Variants in ASNS observed in about 807,000 individuals in gnomAD.
ASNS encodes asparagine synthetase [glutamine-hydrolyzing].
A neutral mutation model predicts 62.6 loss-of-function variants in ASNS; 37 were observed. That is an observed-to-expected ratio of 0.59 (90% CI 0.45 to 0.78). The LOEUF (loss-of-function observed/expected upper bound fraction) is 0.78, where lower values mean the gene tolerates loss of function less well. Among genes scored for constraint, ASNS ranks in the 30% least tolerant of loss-of-function variants. The probability of loss-of-function intolerance (pLI) is 0.00; values close to 1 mark genes in which losing one functional copy is unlikely to be tolerated. For synonymous variants in ASNS, 207 were observed against 237.9 expected (o/e 0.87, Z 1.19); for missense variants, 520 against 682.4 (o/e 0.76, Z 2.65).
chr7:97,865,604 T>C (rs75812115), intron 3 of ASNS, among the ~76,000 whole-genome samples: 1 of 152,336 alleles, frequency 6.6e-6, no homozygotes, highest in Non-Finnish European at 1.5e-5. Context: ...TATACCTTTA[T>C]ACTACAGTCC....
rs748277276 is a variant in ASNS, at chr7:97,859,392, A to G, written c.494T>C (p.Val165Ala). Residue 165 changes from valine (V) to alanine (A), a missense_variant, in exon 5 of 13, where the codon GTT becomes GCT. Transcript: ENST00000394308. ...LAVCSEAKGLVTLKHSATPFL... is the reference protein window; with the variant it reads ...LAVCSEAKGLATLKHSATPFL... ...GGGAGTCGCGGAGTGCTTCAATGTA[A>G]CAAGACCTAGAAATTCACAATGATA... 4.4e-6 allele frequency: 7 copies of G among 1,603,396 alleles called. No homozygotes were observed. The Admixed American group carries it at 8.6e-5, about 20-fold the overall frequency.
At chr7:97,906,968 C>G in the ASNS span, 5 of 152,122 alleles carry the variant, frequency 3.3e-5, no homozygotes, top group African/African-American at 1.2e-4. Context: ...GAGGCTCACC[C>G]ACATTGGGGA....
chr7:97,919,099 C>G, the ASNS span, among the ~76,000 whole-genome samples: 1 of 152,026 alleles, frequency 6.6e-6, no homozygotes, highest in African/African-American at 2.4e-5. Context: ...TAGTCTCGCT[C>G]TATTGCCCAG....
intron 10 of ASNS, 128 bp downstream of exon 10, chr7:97,854,452 G>A: frequency 8.8e-7 from 1 of 1,134,956 alleles, no homozygotes; most frequent in Non-Finnish European, 1.2e-6. Context: ...GTAACATATA[G>A]CCAACTATAT....
intron 3 of ASNS, among the ~76,000 whole-genome samples, chr7:97,865,234 C>A (rs1215934053): frequency 6.6e-6 from 1 of 152,192 alleles, no homozygotes; most frequent in Non-Finnish European, 1.5e-5. Context: ...AGTAGAATCA[C>A]CAGAATACCT....
At chr7:97,886,173 C>A in the ASNS span, 142,584 of 285,208 alleles carry the variant, frequency 0.5, 36,273 homozygotes, top group Middle Eastern at 0.54. Flanking sequence ...TTTGAGACAG[C>A]GTCTTCCTCT....
the ASNS span, among the ~76,000 whole-genome samples, chr7:97,889,927 C>CAAAAAA: frequency 7.8e-4 from 30 of 38,554 alleles, no homozygotes; most frequent in South Asian, 1.6e-3. Context: ...ATAATGAATA[C>CAAAAAA]AAAAAAAAAA....
the ASNS span, among the ~76,000 whole-genome samples, chr7:97,919,752 G>A: frequency 1.8e-4 from 27 of 152,220 alleles, no homozygotes; most frequent in African/African-American, 6.0e-4. Flanking sequence ...AGGAAACCAG[G>A]GCACCCCATG....
chr7:97,927,379 TA>T, the ASNS span, among the ~76,000 whole-genome samples: 1 of 152,190 alleles, frequency 6.6e-6, no homozygotes, highest in Non-Finnish European at 1.5e-5. Context: ...ATCTCAGCAG[TA>T]ACAACCCCAG....
intron 6 of ASNS, 67 bp downstream of exon 6, chr7:97,858,787 G>A (rs979055818): frequency 3.5e-5 from 49 of 1,408,810 alleles, no homozygotes; most frequent in Non-Finnish European, 4.3e-5. Context: ...AAAACCAAAG[G>A]GATGGCTACA....
At chr7:97,856,066 C>A (rs1386424296) in intron 8 of ASNS, among the ~76,000 whole-genome samples, 6 of 152,154 alleles carry the variant, frequency 3.9e-5, no homozygotes, top group Non-Finnish European at 8.8e-5. Flanking sequence ...AATACCAGAG[C>A]TATCCTGTCT....
At chr7:97,895,889 A>G in the ASNS span, among the ~76,000 whole-genome samples, 3 of 152,150 alleles carry the variant, frequency 2.0e-5, no homozygotes, top group Non-Finnish European at 4.4e-5. Flanking sequence ...GTTTCTATAT[A>G]CCAGTAACAA....
At chr7:97,927,293 T>C in the ASNS span, among the ~76,000 whole-genome samples, 1 of 152,048 alleles carries the variant, frequency 6.6e-6, no homozygotes, top group African/African-American at 2.4e-5. Flanking sequence ...TGAGTTTTAG[T>C]CCTAAGTCCC....
the ASNS span, among the ~76,000 whole-genome samples, chr7:97,884,822 A>C: frequency 6.6e-6 from 1 of 152,216 alleles, no homozygotes; most frequent in African/African-American, 2.4e-5. Flanking sequence ...CATCATGATC[A>C]ATTTTAAAAC....
chr7:97,916,514 T>G, the ASNS span, among the ~76,000 whole-genome samples: 1 of 152,210 alleles, frequency 6.6e-6, no homozygotes. Context: ...AGCAGCTCTT[T>G]GCAAGCACCT....
the ASNS span, chr7:97,899,102 T>C: frequency 2.1e-6 from 1 of 482,594 alleles, no homozygotes; most frequent in South Asian, 2.4e-5. Flanking sequence ...ATAAGGCACT[T>C]GTTCTTAACA....
At chr7:97,873,779 GTTACCTAGTGTGC>G (rs1233480296), upstream of ASNS, among the ~76,000 whole-genome samples, 2 of 152,008 alleles carry the variant, frequency 1.3e-5, no homozygotes, top group Non-Finnish European at 2.9e-5. Flanking sequence ...TGCTTGGTGT[GTTACCTAGTGTGC>G]TTCCTTGTGC....
intron 4 of ASNS, among the ~76,000 whole-genome samples, chr7:97,860,202 T>C (rs1320994383): frequency 2.0e-5 from 3 of 152,144 alleles, no homozygotes; most frequent in Non-Finnish European, 2.9e-5. Context: ...GGATAGGGAA[T>C]GGGGAGTAAT....
chr7:97,896,596 CA>C, the ASNS span, among the ~76,000 whole-genome samples: 3 of 19,286 alleles, frequency 1.6e-4, no homozygotes, highest in Admixed American at 2.5e-3. Context: ...GACTCCATCT[CA>C]AAAAGAAAAA....
Sources: gnomAD v4.1 joint callset for allele counts (sites outside exome capture counted in the v4.1 genomes callset) on GRCh38, gnomAD v4.1.1 for gene constraint, MANE v1.5 for transcripts, NCBI Gene and HGNC (gene_info 2026-07-23, HGNC 2026-07-21) for gene names.